TMPRSS12: variants seen among roughly 807,000 people sequenced by gnomAD.
TMPRSS12 encodes the protein transmembrane serine protease 12.
A neutral mutation model predicts 26.0 loss-of-function variants in TMPRSS12; 25 were observed. The observed-to-expected ratio is 0.96, with a 90% CI of 0.70 to 1.34. The LOEUF is 1.34. Among genes scored for constraint, TMPRSS12 ranks in the 40% most tolerant of loss-of-function variants. The pLI, the probability that TMPRSS12 is intolerant of heterozygous loss-of-function variation, is 0.00. For missense variants in TMPRSS12, 441 were observed against 440.1 expected, an observed-to-expected ratio of 1.00 and a Z score of -0.02; for synonymous variants, 150 against 161.7, an observed-to-expected ratio of 0.93 and a Z score of 0.55.
At chr12:50,844,460 G>A (rs532803123) in intron 2 of TMPRSS12, among the ~76,000 whole-genome samples, 6 of 151,432 alleles carry the variant, frequency 4.0e-5, no homozygotes, top group African/African-American at 7.3e-5. Flanking sequence ...TGCAACCTCC[G>A]CCTCCTGGGT....
chr12:50,845,724 C>CA (rs1467919243), intron 2 of TMPRSS12, among the ~76,000 whole-genome samples: 1 of 152,162 alleles, frequency 6.6e-6, no homozygotes, highest in East Asian at 1.9e-4. Flanking sequence ...TCTGTCCCTC[C>CA]ACCCTCCCTA....
chr12:50,855,112 G>A (rs1243257093), intron 2 of TMPRSS12, among the ~76,000 whole-genome samples: 1 of 152,148 alleles, frequency 6.6e-6, no homozygotes, highest in Non-Finnish European at 1.5e-5. Context: ...TACAAAAACA[G>A]ACACACAGAC....
At chr12:50,871,719 G>T (rs748744183) in intron 3 of TMPRSS12, among the ~76,000 whole-genome samples, 1 of 151,970 alleles carries the variant, frequency 6.6e-6, no homozygotes, top group Non-Finnish European at 1.5e-5. Flanking sequence ...TCCAGAATCT[G>T]CAACAAACTT....
chr12:50,859,004 C>A lies in TMPRSS12; in HGVS notation c.603C>A (p.Asp201Glu), dbSNP rs180975905. The A allele has an allele frequency of 1.5e-3, 2,402 of 1,602,648 alleles. 6 individuals carry two copies. The highest frequency in any genetic ancestry group is 2.1e-3 in the Admixed American group (119 of 57,768). ...CLPFDVFQILDGNTKCFISGW... is the reference protein window; with the variant it reads ...CLPFDVFQILEGNTKCFISGW... ...CTTTTGATGTTTTCCAAATCCTGGA[C>A]GGAAACACAAAGTGTTTTATAAGTG... The change falls in exon 3 of 5, where the codon GAC becomes GAA. Residue 201 changes from aspartate (D) to glutamate (E), a missense_variant. Physicochemically the swap from Asp to Glu is conservative, Grantham distance 45. Transcript: ENST00000398458.
chr12:50,855,793 A>G (rs1937871301), intron 2 of TMPRSS12, among the ~76,000 whole-genome samples: 1 of 152,224 alleles, frequency 6.6e-6, no homozygotes, highest in Non-Finnish European at 1.5e-5. Flanking sequence ...TAGCAAAGAC[A>G]TGGAATCAAC....
chr12:50,843,057 C>G lies in TMPRSS12; in HGVS notation c.93C>G (p.Leu31=). ...ACTCGCCCTCTGGAAGGCACAGGCT[C>G]GGCCCCTCGCCGGAACCGGCGGCTA... The part of the protein sequence containing the change: ...DHYSPSGRHR[L]GPSPEPAASS... Residue 31 remains leucine (L), a synonymous_variant, in exon 1 of 5, where the codon CTC becomes CTG. Transcript: ENST00000398458. The G allele has an allele frequency of 2.5e-6, 4 of 1,597,926 alleles. No individual in the cohort carries two copies. The highest frequency in any genetic ancestry group is 3.4e-6 in the Non-Finnish European group (4 of 1,172,704).
In TMPRSS12 at chr12:50,858,961, T is replaced by A; in HGVS notation, c.560T>A (p.Ile187Asn). 6.3e-7 allele frequency: 1 copy of A among 1,594,194 alleles called. No homozygotes were observed. The highest frequency in any genetic ancestry group is 8.6e-7 in the Non-Finnish European group (1 of 1,169,218). Residue 187 changes from isoleucine to asparagine, a missense_variant, in exon 3 of 5, where the codon ATT becomes AAT. Transcript: ENST00000398458. ...LKKAVRYNDYIQPICLPFDVF... is the reference protein window; with the variant it reads ...LKKAVRYNDYNQPICLPFDVF... ...AAAGCAGTGAGGTATAATGACTATA[T>A]TCAGCCTATTTGCCTACCTTTTGAT...
intron 1 of TMPRSS12, 116 bp downstream of exon 1, chr12:50,843,267 T>G: frequency 5.5e-6 from 6 of 1,087,424 alleles, no homozygotes; most frequent in Non-Finnish European, 6.3e-6. Context: ...AACCAAAATT[T>G]TACATACCTA....
intron 4 of TMPRSS12, chr12:50,885,636 C>T: frequency 1.6e-6 from 1 of 609,540 alleles, no homozygotes; most frequent in South Asian, 2.0e-5. Flanking sequence ...AGATATAATT[C>T]ACCTAGTTAA....
At chr12:50,876,961 C>G (rs1371141545) in intron 3 of TMPRSS12, among the ~76,000 whole-genome samples, 1 of 151,988 alleles carries the variant, frequency 6.6e-6, no homozygotes, top group Non-Finnish European at 1.5e-5. Context: ...GAACAGAAAA[C>G]CAAATACTGC....
At chr12:50,878,589 T>C (rs374615682) in intron 3 of TMPRSS12, among the ~76,000 whole-genome samples, 2 of 152,040 alleles carry the variant, frequency 1.3e-5, no homozygotes, top group African/African-American at 4.8e-5. Flanking sequence ...AAAAAATTAA[T>C]TTAATTTTTG....
chr12:50,872,687 C>CATATATATGACGTATGTGT (rs1194498084), intron 3 of TMPRSS12, among the ~76,000 whole-genome samples: 4 of 14,702 alleles, frequency 2.7e-4, no homozygotes, highest in African/African-American at 6.1e-4. Flanking sequence ...GACGTATATG[C>CATATATATGACGTATGTGT]ACATATATAT....
At chr12:50,878,323 G>A (rs1938131660) in intron 3 of TMPRSS12, among the ~76,000 whole-genome samples, 1 of 152,118 alleles carries the variant, frequency 6.6e-6, no homozygotes, top group African/African-American at 2.4e-5. Context: ...GCTCATGCCT[G>A]TAATCCCAGC....
At chr12:50,885,793 T>G (rs562356240) in intron 4 of TMPRSS12, 9 of 381,268 alleles carry the variant, frequency 2.4e-5, no homozygotes, top group African/African-American at 1.9e-4. Flanking sequence ...GTAGCTGGAA[T>G]TACAGGCACA....
chr12:50,859,680 G>A (rs1004626058), intron 3 of TMPRSS12, among the ~76,000 whole-genome samples: 1 of 152,154 alleles, frequency 6.6e-6, no homozygotes, highest in African/African-American at 2.4e-5. Context: ...TCTGTGTTTA[G>A]ATATACAAAT....
chr12:50,843,002 T>G lies in TMPRSS12; in HGVS notation c.38T>G (p.Val13Gly). ...LGLLSVALLF[V>G]GSSHLYSDHY... ...CTCCTGAGCGTGGCGCTGTTGTTTG[T>G]GGGGAGCTCTCACTTATACTCAGAC... Residue 13 changes from valine to glycine, a missense_variant, in exon 1 of 5, where the codon GTG becomes GGG. Val to Gly is a moderately radical substitution (Grantham distance 109). Transcript: ENST00000398458. 6.2e-7 allele frequency: 1 copy of G among 1,604,332 alleles called. No homozygotes were observed. The highest frequency in any genetic ancestry group is 8.5e-7 in the Non-Finnish European group (1 of 1,175,648).
Position 50,853,600 on chromosome 12 carries a change from G to A in TMPRSS12, c.384-5185G>A, listed in dbSNP as rs12319465. On this transcript the variant is annotated intron_variant, in intron 2 of 4. Coordinates refer to ENST00000398458, the MANE Select transcript of TMPRSS12 (RefSeq NM_182559.3). The stretch of plus-strand genomic sequence containing the variant: ...GACTAACAAAAAAAAAAAAAAAAAA[G>A]AAGAAGGAGAGAGAAGATCCAAATA... Among the ~76,000 whole-genome samples the A allele has an allele frequency of 6.4e-3, 517 of 81,116 alleles. 4 individuals carry two copies. The highest frequency in any genetic ancestry group is 0.018 in the African/African-American group (420 of 23,076). The allele number at this position is 81,116 out of a possible 152,430, so 53.2% of individuals were successfully genotyped here.
At chr12:50,877,007 T>C (rs1196616148) in intron 3 of TMPRSS12, among the ~76,000 whole-genome samples, 1 of 151,852 alleles carries the variant, frequency 6.6e-6, no homozygotes, top group East Asian at 1.9e-4. Context: ...AAATAGTGGG[T>C]ACTCATGGAC....
intron 3 of TMPRSS12, among the ~76,000 whole-genome samples, chr12:50,866,311 C>T: frequency 6.6e-6 from 1 of 152,170 alleles, no homozygotes; most frequent in South Asian, 2.1e-4. Context: ...GGGAGTGAGA[C>T]TGGCCCTTTG....
Sources: gnomAD v4.1 joint callset for allele counts (sites outside exome capture counted in the v4.1 genomes callset) on GRCh38, gnomAD v4.1.1 for gene constraint, MANE v1.5 for transcripts, NCBI Gene and HGNC (gene_info 2026-07-23, HGNC 2026-07-21) for gene names.